MGA: variants seen among roughly 807,000 people sequenced by gnomAD.
The protein encoded by MGA is MAX dimerization protein MGA.
Under a neutral mutation model 261.1 loss-of-function variants are expected in MGA, and 40 were observed. The observed-to-expected ratio is 0.15, with a 90% confidence interval of 0.12 to 0.20. The LOEUF (loss-of-function observed/expected upper bound fraction) is 0.20, where lower values mean the gene tolerates loss of function less well. Among genes scored for constraint, MGA ranks in the 10% least tolerant of loss-of-function variants. The pLI, the probability that MGA is intolerant of heterozygous loss-of-function variation, is 1.00. For missense variants in MGA, 3,397 were observed against 3,630.5 expected (o/e 0.94, Z 1.65); for synonymous variants, 1,302 against 1,290.6 (o/e 1.01, Z -0.19).
intron 2 of MGA, among the ~76,000 whole-genome samples, chr15:41,690,994 G>GTTTTTTTTTT: frequency 9.6e-6 from 1 of 104,346 alleles, no homozygotes; most frequent in Non-Finnish European, 1.9e-5. Flanking sequence ...AGATTGCTTT[G>GTTTTTTTTTT]TTTTTTTTTT....
At chr15:41,734,696 G>A in intron 12 of MGA, 102 bp downstream of exon 12, 1 of 881,242 alleles carries the variant, frequency 1.1e-6, no homozygotes, top group Non-Finnish European at 1.7e-6. Context: ...GAATATGTCT[G>A]CCTACCCTGT....
chr15:41,766,108 C>T lies in MGA; in HGVS notation c.8026C>T (p.Pro2676Ser), dbSNP rs1171419846. 6.2e-7 allele frequency: 1 copy of T among 1,613,854 alleles called. No individual in the cohort carries two copies. Among genetic ancestry groups the T allele is most frequent in the South Asian group, 1.1e-5 (1 of 91,080 alleles). Reference sequence around the variant, plus strand: ...TGGCAGCAAATATCCTCATGAAGTTCCTGATAGCAAGCCATCTGACCATCT... The same window carrying T: ...TGGCAGCAAATATCCTCATGAAGTTTCTGATAGCAAGCCATCTGACCATCT... Residue 2676 changes from proline to serine, a missense_variant, in exon 24 of 24, where the codon CCT becomes TCT. By Grantham distance (74) the Pro-to-Ser change is moderately conservative. Around this residue, in one of 9 missense-constraint regions of MGA, gnomAD observed 647 missense variants for 642.4 expected, o/e 1.01. Transcript: ENST00000219905.
At chr15:41,726,590 G>A (rs748496149) in intron 9 of MGA, among the ~76,000 whole-genome samples, 8 of 152,006 alleles carry the variant, frequency 5.3e-5, no homozygotes, top group Non-Finnish European at 1.2e-4. Flanking sequence ...TTAGCCAGGT[G>A]TGGTGGCATA....
intron 14 of MGA, 55 bp from the exon 15 acceptor site, chr15:41,742,491 A>G (rs2062174957): frequency 1.3e-6 from 2 of 1,575,826 alleles, no homozygotes; most frequent in Admixed American, 1.7e-5. Flanking sequence ...CACAGTCACT[A>G]AGAGGATAAA....
chr15:41,721,779 G>A (rs2577954), intron 9 of MGA, among the ~76,000 whole-genome samples: 112,729 of 152,030 alleles, frequency 0.74, 43,387 homozygotes, highest in East Asian at 0.89. Flanking sequence ...AGGTGTAACC[G>A]CTTTGGAAAA....
intron 9 of MGA, among the ~76,000 whole-genome samples, chr15:41,723,974 T>A (rs1465766626): frequency 1.3e-5 from 2 of 152,094 alleles, no homozygotes; most frequent in Non-Finnish European, 2.9e-5. Context: ...AGTTTTTTTT[T>A]TTTTTGAAGT....
Position 41,747,954 on chromosome 15 carries a change from G to C in MGA, c.5213-683G>C, listed in dbSNP as rs2062598519. Among the ~76,000 whole-genome samples, 4 of 152,192 alleles carry C rather than the reference G, an allele frequency of 2.6e-5. No individual in the cohort carries two copies. The South Asian group carries it at 8.3e-4, about 32-fold the overall frequency. On this transcript the variant is annotated intron_variant, in intron 15 of 23. Coordinates refer to ENST00000219905, the MANE Select transcript of MGA (RefSeq NM_001164273.2). ...CCAAATTAGACGTTATTTGAAGCAA[G>C]GTCAGATTCTGTGCCTTAATGACTG...
chr15:41,709,786 CTT>C (rs59998889), intron 7 of MGA, among the ~76,000 whole-genome samples: 6,344 of 135,186 alleles, frequency 0.047, 209 homozygotes, highest in African/African-American at 0.093. Context: ...GCTTTAATTT[CTT>C]TTTTTTTTTT....
At chr15:41,676,409 C>A (rs1034849224) in intron 2 of MGA, among the ~76,000 whole-genome samples, 1 of 152,230 alleles carries the variant, frequency 6.6e-6, no homozygotes, top group Non-Finnish European at 1.5e-5. Context: ...CCGCCTTGGC[C>A]TCCCCAAGTG....
At chr15:41,718,021 A>G (rs1225738366) in intron 9 of MGA, among the ~76,000 whole-genome samples, 1 of 151,752 alleles carries the variant, frequency 6.6e-6, no homozygotes, top group Non-Finnish European at 1.5e-5. Flanking sequence ...TCTCAAAAAA[A>G]AAAAAAAAAT....
chr15:41,637,459 G>A (rs1252980706), intron 1 of MGA, among the ~76,000 whole-genome samples: 1 of 152,128 alleles, frequency 6.6e-6, no homozygotes, highest in Non-Finnish European at 1.5e-5. Context: ...TATAAAGTTA[G>A]CGTCAAAGGC....
chr15:41,690,994 G>GTTTTTTTTTTT (rs386382831), intron 2 of MGA, among the ~76,000 whole-genome samples: 2 of 104,336 alleles, frequency 1.9e-5, no homozygotes, highest in Non-Finnish European at 3.8e-5. Context: ...AGATTGCTTT[G>GTTTTTTTTTTT]TTTTTTTTTT....
At position 41,718,299 on chromosome 15, in the gene MGA, GTGTA is replaced by G. The variant is rs1233600699; in HGVS notation, c.3430+4805_3430+4808del. On this transcript the variant is annotated intron_variant, in intron 9 of 23. Transcript: ENST00000219905. ...TAGTGTATATGTAGTGTGTGTGTGT[GTGTA>G]TATATATATATATATATACATATAT... 5.4e-3 allele frequency: 1,162 copies of G among 215,594 alleles called. 11 individuals carry two copies. Among genetic ancestry groups the G allele is most frequent in the African/African-American group, 0.028 (983 of 35,188 alleles). The allele number at this position is 215,594 out of a possible 1,614,324, so 13.4% of individuals were successfully genotyped here.
intron 1 of MGA, among the ~76,000 whole-genome samples, chr15:41,623,362 A>G (rs1273631196): frequency 6.6e-6 from 1 of 152,206 alleles, no homozygotes; most frequent in Non-Finnish European, 1.5e-5. Flanking sequence ...TGTTATAAAG[A>G]TGGTATTTTA....
At chr15:41,712,061 A>G (rs2060412930) in intron 8 of MGA, among the ~76,000 whole-genome samples, 2 of 151,828 alleles carry the variant, frequency 1.3e-5, no homozygotes, top group South Asian at 4.2e-4. Flanking sequence ...CTGGAGAGAA[A>G]CCTTTATCTT....
At chr15:41,734,231 A>G (rs917241044) in intron 11 of MGA, among the ~76,000 whole-genome samples, 87 of 151,836 alleles carry the variant, frequency 5.7e-4, no homozygotes, top group African/African-American at 2.1e-3. Flanking sequence ...TTTCTGAATA[A>G]CTGTAGTTTG....
chr15:41,661,231 TG>T (rs1331209494), intron 1 of MGA, among the ~76,000 whole-genome samples: 1 of 152,102 alleles, frequency 6.6e-6, no homozygotes, highest in African/African-American at 2.4e-5. Context: ...TATTCCTCTG[TG>T]GGGCAGCCTT....
At chr15:41,690,338 GA>G (rs2059209596) in intron 2 of MGA, among the ~76,000 whole-genome samples, 1 of 152,114 alleles carries the variant, frequency 6.6e-6, no homozygotes, top group Admixed American at 6.5e-5. Flanking sequence ...TCATCAGTTG[GA>G]CAGTAAGGTT....
intron 9 of MGA, among the ~76,000 whole-genome samples, chr15:41,724,488 T>A (rs1244386811): frequency 6.6e-6 from 1 of 152,226 alleles, no homozygotes; most frequent in Admixed American, 6.5e-5. Context: ...CATAAATGAA[T>A]ATTGGTGTCT....
Sources: gnomAD v4.1 joint callset for allele counts (sites outside exome capture counted in the v4.1 genomes callset) on GRCh38, gnomAD v4.1.1 for gene constraint, gnomAD v4.1.1 regional missense constraint, MANE v1.5 for transcripts, NCBI Gene and HGNC (gene_info 2026-07-23, HGNC 2026-07-21) for gene names.